The following DARS1 variants were observed in gnomAD, a reference collection of about 807,000 sequenced individuals.
DARS1 encodes the protein aspartate--tRNA ligase, cytoplasmic.
In DARS1, 51 loss-of-function variants were observed where a neutral mutation model predicts 68.8. The ratio of observed to expected loss-of-function variants is 0.74; its 90% CI spans 0.59 to 0.94. The LOEUF is 0.94. DARS1 is among the 40% of genes least tolerant of loss of function. DARS1 has a pLI of 0.00. For synonymous variants in DARS1, 203 were observed against 190.4 expected (o/e 1.07, Z -0.55); for missense variants, 607 against 597.3 (o/e 1.02, Z -0.17).
At chr2:135,942,843 G>GA (rs1681635659) in intron 5 of DARS1, among the ~76,000 whole-genome samples, 1 of 152,082 alleles carries the variant, frequency 6.6e-6, no homozygotes, top group African/African-American at 2.4e-5. Context: ...ACTTCCTCTT[G>GA]CTCCTGCATG....
At chr2:135,971,235 C>A (rs1041414023) in intron 3 of DARS1, among the ~76,000 whole-genome samples, 2 of 152,120 alleles carry the variant, frequency 1.3e-5, no homozygotes, top group Admixed American at 1.3e-4. Flanking sequence ...GTAAAAAGAT[C>A]ATTCATCGTG....
At chr2:135,919,313 G>A (rs994409810) in intron 10 of DARS1, among the ~76,000 whole-genome samples, 1 of 152,188 alleles carries the variant, frequency 6.6e-6, no homozygotes, top group African/African-American at 2.4e-5. Flanking sequence ...TTACAGGCGT[G>A]AGCCACCTTG....
intron 5 of DARS1, among the ~76,000 whole-genome samples, chr2:135,941,036 G>C (rs1169138100): frequency 1.3e-5 from 2 of 152,124 alleles, no homozygotes; most frequent in Admixed American, 6.6e-5. Context: ...GAAGAACATT[G>C]CATGCACATG....
intron 7 of DARS1, among the ~76,000 whole-genome samples, chr2:135,928,454 G>A (rs1681272052): frequency 6.6e-6 from 1 of 151,840 alleles, no homozygotes; most frequent in Admixed American, 6.6e-5. Flanking sequence ...GTGCAGTGGT[G>A]TGATTTCAGC....
intron 9 of DARS1, among the ~76,000 whole-genome samples, chr2:135,921,029 G>A (rs781149436): frequency 6.6e-6 from 1 of 151,242 alleles, no homozygotes; most frequent in African/African-American, 2.4e-5. Flanking sequence ...TATTTGTGAT[G>A]TGAAAGATGA....
At chr2:135,968,545 T>C (rs1478671072) in intron 3 of DARS1, among the ~76,000 whole-genome samples, 1 of 152,040 alleles carries the variant, frequency 6.6e-6, no homozygotes, top group African/African-American at 2.4e-5. Flanking sequence ...TAGGTCTCCT[T>C]ATAAAGTCAC....
At chr2:135,932,692 A>G in intron 7 of DARS1, 91 bp downstream of exon 7, 1 of 744,666 alleles carries the variant, frequency 1.3e-6, no homozygotes, top group East Asian at 2.5e-5. Context: ...GGCAAATACC[A>G]TTTAGCTTTA....
intron 3 of DARS1, among the ~76,000 whole-genome samples, chr2:135,973,818 A>T (rs1466153402): frequency 1.3e-5 from 2 of 152,176 alleles, no homozygotes; most frequent in Non-Finnish European, 2.9e-5. Flanking sequence ...GTGAGTTGAG[A>T]TCACACGGCT....
intron 2 of DARS1, 95 bp downstream of exon 2, chr2:135,983,302 T>C (rs1288243177): frequency 8.4e-6 from 6 of 711,540 alleles, no homozygotes; most frequent in South Asian, 3.3e-5. Flanking sequence ...GAATTATACC[T>C]TCAGATTTAT....
chr2:135,923,359 G>A (rs1681147081), intron 8 of DARS1, among the ~76,000 whole-genome samples: 1 of 151,932 alleles, frequency 6.6e-6, no homozygotes, highest in Non-Finnish European at 1.5e-5. Context: ...GCACGATCTC[G>A]GCTCACTGCA....
At chr2:135,968,665 T>C (rs1240824331) in intron 3 of DARS1, among the ~76,000 whole-genome samples, 1 of 149,298 alleles carries the variant, frequency 6.7e-6, no homozygotes, top group Non-Finnish European at 1.5e-5. Flanking sequence ...CAGCTTTTTT[T>C]TTTTTTTTTT....
chr2:135,965,158 C>T (rs1682195578), intron 3 of DARS1, among the ~76,000 whole-genome samples: 2 of 151,670 alleles, frequency 1.3e-5, no homozygotes, highest in South Asian at 4.2e-4. Flanking sequence ...AAACAAACAC[C>T]CCAACGAATA....
intron 5 of DARS1, among the ~76,000 whole-genome samples, chr2:135,939,413 A>C (rs549859838): frequency 6.6e-6 from 1 of 152,172 alleles, no homozygotes; most frequent in Admixed American, 6.6e-5. Flanking sequence ...ATGACTACTG[A>C]GTACATAATG....
At chr2:135,916,479 C>A (rs1222608875) in intron 10 of DARS1, 107 bp from the exon 11 acceptor site, 5 of 524,936 alleles carry the variant, frequency 9.5e-6, no homozygotes, top group Non-Finnish European at 1.7e-5. Context: ...AGTATATACA[C>A]CAGGAAAAGC....
At chr2:135,928,890 C>T (rs958310342) in intron 7 of DARS1, among the ~76,000 whole-genome samples, 19 of 152,140 alleles carry the variant, frequency 1.2e-4, no homozygotes, top group African/African-American at 4.3e-4. Flanking sequence ...CCACTGTGCT[C>T]GGCCAGAATT....
In DARS1 at chr2:135,912,435, T is replaced by G. The variant is rs760268445; in HGVS notation, c.1230+51A>C. 6 of 734,450 alleles carry G rather than the reference T, an allele frequency of 8.2e-6. 1 individual carries two copies. In the South Asian group the frequency reaches 9.5e-5, roughly 12 times the overall value. 45.5% of individuals were successfully genotyped at this position (734,450 alleles called of 1,614,324 possible). A position where few individuals can be genotyped will look rare whatever the true frequency, so the allele number is the denominator to read the frequency against. On this transcript the variant is annotated intron_variant, in intron 13 of 15. Transcript: ENST00000264161. ...CTATTATACAATCTGACAGTGACAA[T>G]AAAATTTCCCTTCTGCCTCAAAATG... is the stretch of plus-strand genomic sequence containing the variant.
At chr2:135,908,586 G>A (rs370096940) in intron 15 of DARS1, among the ~76,000 whole-genome samples, 7 of 152,070 alleles carry the variant, frequency 4.6e-5, no homozygotes, top group Admixed American at 3.3e-4. Flanking sequence ...GTTGTTTCTC[G>A]ACTTTTTAAC....
At chr2:135,973,705 A>T (rs1392748197) in intron 3 of DARS1, among the ~76,000 whole-genome samples, 1 of 151,970 alleles carries the variant, frequency 6.6e-6, no homozygotes, top group Non-Finnish European at 1.5e-5. Context: ...AAAAATGAAA[A>T]AATAAAAAAT....
intron 10 of DARS1, 32 bp downstream of exon 10, chr2:135,920,420 TA>T (rs1681089888): frequency 6.4e-7 from 1 of 1,566,524 alleles, no homozygotes; most frequent in East Asian, 2.3e-5. Context: ...CATTTGAAAT[TA>T]AGTCCATCTA....
Sources: gnomAD v4.1 joint callset for allele counts (sites outside exome capture counted in the v4.1 genomes callset) on GRCh38, gnomAD v4.1.1 for gene constraint, MANE v1.5 for transcripts, NCBI Gene and HGNC (gene_info 2026-07-23, HGNC 2026-07-21) for gene names.